Variants in EYS observed in about 807,000 individuals in gnomAD.
EYS encodes the protein protein eyes shut homolog.
EYS carries 250 observed loss-of-function variants against 282.1 expected under a neutral mutation model. The observed-to-expected ratio is 0.89, with a 90% CI of 0.80 to 0.98. The LOEUF (loss-of-function observed/expected upper bound fraction) is 0.98, where lower values mean the gene tolerates loss of function less well. EYS is among the 50% of genes least tolerant of loss of function. The probability of loss-of-function intolerance (pLI) is 0.00; values close to 1 mark genes in which losing one functional copy is unlikely to be tolerated. For missense variants in EYS, 4,016 were observed against 3,709.0 expected, an observed-to-expected ratio of 1.08 and a Z score of -2.15; for synonymous variants, 1,355 against 1,282.9, an observed-to-expected ratio of 1.06 and a Z score of -1.20.
chr6:64,435,147 G>C (rs1397912120), intron 28 of EYS, among the ~76,000 whole-genome samples: 1 of 151,940 alleles, frequency 6.6e-6, no homozygotes, highest in Non-Finnish European at 1.5e-5. Flanking sequence ...GCACTTTTAA[G>C]TATAGTGACA....
chr6:65,498,652 C>T (rs76578868), intron 2 of EYS, among the ~76,000 whole-genome samples: 2 of 151,416 alleles, frequency 1.3e-5, no homozygotes, highest in Non-Finnish European at 3.0e-5. Context: ...ATGAAAATAG[C>T]AGCAAAGGAA....
intron 2 of EYS, among the ~76,000 whole-genome samples, chr6:65,563,796 T>C (rs1343940378): frequency 6.6e-6 from 1 of 152,078 alleles, no homozygotes; most frequent in Non-Finnish European, 1.5e-5. Context: ...AGGTGGCCCC[T>C]TAATTGTGGG....
intron 12 of EYS, among the ~76,000 whole-genome samples, chr6:65,281,348 A>T (rs1227815716): frequency 6.6e-6 from 1 of 152,182 alleles, no homozygotes; most frequent in Non-Finnish European, 1.5e-5. Flanking sequence ...TATTTTCACT[A>T]TAATTAACAC....
At chr6:64,567,054 C>T (rs1765587495) in intron 26 of EYS, among the ~76,000 whole-genome samples, 2 of 152,116 alleles carry the variant, frequency 1.3e-5, no homozygotes, top group Admixed American at 1.3e-4. Flanking sequence ...GGATTACAGG[C>T]ATGAGCCACT....
intron 12 of EYS, among the ~76,000 whole-genome samples, chr6:65,088,978 G>A (rs996461491): frequency 2.0e-5 from 3 of 152,138 alleles, no homozygotes; most frequent in Admixed American, 6.5e-5. Flanking sequence ...ACATGCTGTC[G>A]AGCCTGTGGG....
At chr6:65,101,239 A>G (rs1419288504) in intron 12 of EYS, among the ~76,000 whole-genome samples, 1 of 151,172 alleles carries the variant, frequency 6.6e-6, no homozygotes. Context: ...GGAACGAGGC[A>G]ATATAATATT....
intron 9 of EYS, among the ~76,000 whole-genome samples, chr6:65,345,357 G>GTAAT (rs761560259): frequency 2.0e-5 from 3 of 151,720 alleles, no homozygotes; most frequent in African/African-American, 4.8e-5. Flanking sequence ...CATTCTGAGA[G>GTAAT]TAATTAACTC....
intron 11 of EYS, among the ~76,000 whole-genome samples, chr6:65,314,476 TA>T (rs1008427765): frequency 2.8e-4 from 40 of 143,094 alleles, no homozygotes; most frequent in African/African-American, 1.0e-3. Context: ...AAGAAAGTCT[TA>T]AACATTTGCT....
At chr6:64,125,381 C>A (rs1040015294) in intron 31 of EYS, among the ~76,000 whole-genome samples, 1 of 151,520 alleles carries the variant, frequency 6.6e-6, no homozygotes, top group African/African-American at 2.4e-5. Flanking sequence ...CTGAATTATG[C>A]CCCGTTGTAA....
chr6:65,086,322 A>T (rs1774372307), intron 12 of EYS, among the ~76,000 whole-genome samples: 1 of 151,336 alleles, frequency 6.6e-6, no homozygotes, highest in South Asian at 2.1e-4. Context: ...TCTCAAAAAA[A>T]CTAAATAAAA....
Position 63,998,595 on chromosome 6 carries a change from C to T in EYS, c.6834+480G>A, listed in dbSNP as rs78820290. ...GAAAGAATTCAGCAAATTGCCTGGT[C>T]TCTGGAGGGATAGACATTCTCTTTT... On this transcript the variant is annotated intron_variant, in intron 34 of 42. Transcript: ENST00000503581. Among the ~76,000 whole-genome samples the T allele has an allele frequency of 4.7e-4, 71 of 152,232 alleles. No homozygotes were observed. The East Asian group carries it at 0.013, about 28-fold the overall frequency.
chr6:64,017,912 T>C (rs1299543322), intron 33 of EYS, among the ~76,000 whole-genome samples: 3 of 152,216 alleles, frequency 2.0e-5, no homozygotes. Context: ...TACATTTTCA[T>C]TGACCTTCTA....
intron 31 of EYS, among the ~76,000 whole-genome samples, chr6:64,120,012 A>G (rs1169079427): frequency 6.6e-6 from 1 of 152,012 alleles, no homozygotes; most frequent in African/African-American, 2.4e-5. Context: ...ACCTAAACAA[A>G]TTTACCATAT....
At position 65,336,309 on chromosome 6, in the gene EYS, G is replaced by A. The variant is rs1314923786; in HGVS notation, c.1600-1163C>T. 4.6e-5 allele frequency among the ~76,000 whole-genome samples: 7 copies of A among 151,556 alleles called. No individual in the cohort carries two copies. In the South Asian group the frequency reaches 1.2e-3, roughly 27 times the overall value. The stretch of plus-strand genomic sequence containing the variant: ...AATCATTTCAAAGTTTGAATTTCAA[G>A]CTTTCATTTATTTGTTGAAATAATA... On this transcript the variant is annotated intron_variant, in intron 10 of 42. Transcript: ENST00000503581.
At chr6:64,726,212 C>T (rs989420739) in intron 22 of EYS, among the ~76,000 whole-genome samples, 2 of 152,058 alleles carry the variant, frequency 1.3e-5, no homozygotes, top group Non-Finnish European at 2.9e-5. Context: ...CACTCTTTCC[C>T]CCACATCACC....
intron 22 of EYS, among the ~76,000 whole-genome samples, chr6:64,756,908 G>A (rs1378252639): frequency 1.4e-4 from 20 of 147,028 alleles, no homozygotes; most frequent in Middle Eastern, 3.6e-3. Context: ...TTTAACAGAT[G>A]TGATACTCCC....
At chr6:65,675,109 A>G (rs1768533168) in intron 1 of EYS, among the ~76,000 whole-genome samples, 1 of 151,934 alleles carries the variant, frequency 6.6e-6, no homozygotes, top group Admixed American at 6.6e-5. Flanking sequence ...TATCTATAAG[A>G]GATATGCAAA....
chr6:65,049,915 G>A (rs182562348), intron 13 of EYS, among the ~76,000 whole-genome samples: 3 of 151,690 alleles, frequency 2.0e-5, no homozygotes, highest in African/African-American at 7.2e-5. Flanking sequence ...CATATAATAT[G>A]TTTATACTTA....
intron 12 of EYS, among the ~76,000 whole-genome samples, chr6:65,092,657 T>G (rs1054085218): frequency 6.6e-6 from 1 of 152,182 alleles, no homozygotes; most frequent in Non-Finnish European, 1.5e-5. Context: ...TGATAGCATA[T>G]AGTCATCTTT....
Sources: gnomAD v4.1 joint callset for allele counts (sites outside exome capture counted in the v4.1 genomes callset) on GRCh38, gnomAD v4.1.1 for gene constraint, MANE v1.5 for transcripts, NCBI Gene and HGNC (gene_info 2026-07-23, HGNC 2026-07-21) for gene names.